Variants in GLIS3 observed in about 807,000 individuals in gnomAD.
The protein encoded by GLIS3 is GLIS family zinc finger 3.
A neutral mutation model predicts 78.6 loss-of-function variants in GLIS3; 53 were observed. That is an observed-to-expected ratio of 0.67 (90% CI 0.54 to 0.85). The LOEUF (loss-of-function observed/expected upper bound fraction) is 0.85. Ranked by LOEUF, GLIS3 falls within the 40% of genes least tolerant of loss-of-function variation. The probability of loss-of-function intolerance (pLI) is 0.00; values close to 1 mark genes in which losing one functional copy is unlikely to be tolerated. For synonymous variants in GLIS3, 684 were observed against 509.9 expected, an observed-to-expected ratio of 1.34 and a Z score of -4.60; for missense variants, 1,703 against 1,231.1, an observed-to-expected ratio of 1.38 and a Z score of -5.74.
the GLIS3 span, among the ~76,000 whole-genome samples, chr9:4,368,400 A>G: frequency 6.8e-6 from 1 of 147,958 alleles, no homozygotes; most frequent in Non-Finnish European, 1.5e-5. Flanking sequence ...GCTGGAGTGT[A>G]GTGGCACAAT....
chr9:4,350,148 G>A (rs907938332), upstream of GLIS3, among the ~76,000 whole-genome samples: 26 of 152,222 alleles, frequency 1.7e-4, no homozygotes, highest in Non-Finnish European at 2.6e-4. Context: ...AGAGGTCAGA[G>A]AAGACCGAGA....
chr9:4,164,566 C>T (rs923211943), intron 2 of GLIS3, among the ~76,000 whole-genome samples: 1 of 152,152 alleles, frequency 6.6e-6, no homozygotes, highest in African/African-American at 2.4e-5. Flanking sequence ...CCTCACTTCT[C>T]CCCACAGCTG....
intron 1 of GLIS3, among the ~76,000 whole-genome samples, chr9:4,297,680 C>T (rs1465510407): frequency 6.6e-6 from 1 of 152,158 alleles, no homozygotes. Flanking sequence ...ACCTCCCTAC[C>T]CCTTCCCCAG....
intron 4 of GLIS3, among the ~76,000 whole-genome samples, chr9:4,039,726 C>T (rs951729297): frequency 2.0e-5 from 3 of 152,168 alleles, no homozygotes; most frequent in Non-Finnish European, 4.4e-5. Context: ...CCTCTACAAT[C>T]GGTCCAGATT....
chr9:4,132,803 C>A (rs1185932624), intron 2 of GLIS3, among the ~76,000 whole-genome samples: 3 of 152,178 alleles, frequency 2.0e-5, no homozygotes, highest in Non-Finnish European at 4.4e-5. Context: ...CAACCTAACA[C>A]ACACACAAGG....
At chr9:4,127,278 T>C (rs938955006) in intron 2 of GLIS3, among the ~76,000 whole-genome samples, 1 of 152,212 alleles carries the variant, frequency 6.6e-6, no homozygotes, top group Non-Finnish European at 1.5e-5. Flanking sequence ...TACGAGAATG[T>C]ATTTTTATGA....
At chr9:4,462,001 A>G in the GLIS3 span, among the ~76,000 whole-genome samples, 1 of 152,310 alleles carries the variant, frequency 6.6e-6, no homozygotes, top group East Asian at 1.9e-4. Flanking sequence ...AAGATCTACA[A>G]ATTTTCTGGT....
At chr9:3,938,125 G>C (rs1460882603) in intron 4 of GLIS3, among the ~76,000 whole-genome samples, 1 of 152,184 alleles carries the variant, frequency 6.6e-6, no homozygotes. Context: ...ATAAAGGTGA[G>C]ATGGGGATTT....
At chr9:3,870,595 A>T (rs1469278043) in intron 8 of GLIS3, among the ~76,000 whole-genome samples, 1 of 152,230 alleles carries the variant, frequency 6.6e-6, no homozygotes, top group Admixed American at 6.5e-5. Context: ...GAAGGCAAAG[A>T]GAATGAGGAG....
chr9:4,237,858 G>C (rs1822912673), intron 2 of GLIS3, among the ~76,000 whole-genome samples: 1 of 152,168 alleles, frequency 6.6e-6, no homozygotes, highest in African/African-American at 2.4e-5. Flanking sequence ...TCCAGCTTCA[G>C]CATTTTATCA....
At chr9:3,877,642 A>G (rs546564210) in intron 8 of GLIS3, among the ~76,000 whole-genome samples, 3 of 152,292 alleles carry the variant, frequency 2.0e-5, no homozygotes, top group Non-Finnish European at 4.4e-5. Context: ...ATCTAGGGGT[A>G]AAACTTATAA....
At chr9:3,892,424 C>T (rs917877777) in intron 7 of GLIS3, among the ~76,000 whole-genome samples, 3 of 152,194 alleles carry the variant, frequency 2.0e-5, no homozygotes. Context: ...TTGAGGAAGA[C>T]AGCATAAAAG....
chr9:3,888,763 A>AAGAT (rs1242710638), intron 7 of GLIS3, among the ~76,000 whole-genome samples: 3 of 152,136 alleles, frequency 2.0e-5, no homozygotes, highest in African/African-American at 4.8e-5. Context: ...CTTTACTCTC[A>AAGAT]AGATAGATGC....
rs532612146 is a variant in GLIS3, at chr9:4,306,576, C to A, written n.584+2201G>T. ...TAGGAAATACATTCATTTCCAAATTCCTACTGAAATAGGATTTTTCTCATT... is the reference window on the plus strand; with the variant it reads ...TAGGAAATACATTCATTTCCAAATTACTACTGAAATAGGATTTTTCTCATT... On this transcript the variant is annotated intron_variant and non_coding_transcript_variant, in intron 4 of 4. Coordinates refer to the GLIS3 transcript ENST00000471664. 5.9e-5 allele frequency among the ~76,000 whole-genome samples: 9 copies of A among 152,306 alleles called. No homozygotes were observed. In the South Asian group the frequency reaches 1.9e-3, roughly 32 times the overall value.
At chr9:4,053,807 G>A (rs1224031372) in intron 4 of GLIS3, among the ~76,000 whole-genome samples, 3 of 151,690 alleles carry the variant, frequency 2.0e-5, no homozygotes, top group Non-Finnish European at 4.4e-5. Flanking sequence ...CACCATTGGC[G>A]AACTGTAGAC....
At chr9:4,240,759 G>T (rs1021527449) in intron 2 of GLIS3, among the ~76,000 whole-genome samples, 1 of 152,078 alleles carries the variant, frequency 6.6e-6, no homozygotes. Context: ...TGGATACTAG[G>T]CTTAATAGCT....
the GLIS3 span, among the ~76,000 whole-genome samples, chr9:4,484,404 ATTTTTTTTTTTTTTTTTT>A: frequency 8.0e-5 from 4 of 49,738 alleles, no homozygotes; most frequent in African/African-American, 1.8e-4. Flanking sequence ...TGCCAGGCTA[ATTTTTTTTTTTTTTTTTT>A]TTTTTTTTTT....
chr9:4,287,190 C>T (rs6476838), intron 1 of GLIS3, among the ~76,000 whole-genome samples: 140,389 of 152,216 alleles, frequency 0.92, 65,381 homozygotes, highest in Non-Finnish European at 0.98. Flanking sequence ...CAGGATACTG[C>T]AACCTTCCAC....
chr9:4,253,154 C>T (rs985964967), intron 2 of GLIS3, among the ~76,000 whole-genome samples: 2 of 152,238 alleles, frequency 1.3e-5, no homozygotes, highest in African/African-American at 4.8e-5. Flanking sequence ...CTGGGAGATC[C>T]GCTGCTCTCT....
Sources: gnomAD v4.1 joint callset for allele counts (sites outside exome capture counted in the v4.1 genomes callset) on GRCh38, gnomAD v4.1.1 for gene constraint, MANE v1.5 for transcripts, NCBI Gene and HGNC (gene_info 2026-07-23, HGNC 2026-07-21) for gene names.